The following PRKCA variants were observed in gnomAD, a reference collection of about 807,000 sequenced individuals.
PRKCA encodes the protein protein kinase C alpha.
In PRKCA, 27 loss-of-function variants were observed where a neutral mutation model predicts 87.0. The observed-to-expected ratio is 0.31, with a 90% CI of 0.23 to 0.43. PRKCA has a LOEUF of 0.43. Ranked by LOEUF, PRKCA falls within the 20% of genes least tolerant of loss-of-function variation. PRKCA has a pLI of 1.00. For synonymous variants in PRKCA, 329 were observed against 311.1 expected, an observed-to-expected ratio of 1.06 and a Z score of -0.61; for missense variants, 518 against 852.3, an observed-to-expected ratio of 0.61 and a Z score of 4.88.
chr17:66,327,025 T>C (rs774962656), intron 2 of PRKCA, among the ~76,000 whole-genome samples: 7 of 152,074 alleles, frequency 4.6e-5, no homozygotes, highest in Non-Finnish European at 8.8e-5. Flanking sequence ...GCTATGATCA[T>C]ACCACTGCAC....
chr17:66,536,800 C>T (rs934745428), intron 3 of PRKCA, among the ~76,000 whole-genome samples: 1 of 152,210 alleles, frequency 6.6e-6, no homozygotes, highest in Non-Finnish European at 1.5e-5. Context: ...CTGTGGATTC[C>T]TGGGACAGAC....
At chr17:66,555,329 T>G (rs7223385) in intron 3 of PRKCA, among the ~76,000 whole-genome samples, 1,994 of 152,354 alleles carry the variant, frequency 0.013, 44 homozygotes, top group African/African-American at 0.046. Flanking sequence ...ACTTCTTGGC[T>G]ACAACACACA....
chr17:66,471,941 CCAAT>C (rs1253334375), intron 2 of PRKCA, among the ~76,000 whole-genome samples: 1 of 152,090 alleles, frequency 6.6e-6, no homozygotes, highest in Non-Finnish European at 1.5e-5. Flanking sequence ...CAAAATTTGA[CCAAT>C]CAGTTTGATC....
intron 2 of PRKCA, among the ~76,000 whole-genome samples, chr17:66,453,025 C>A (rs901114237): frequency 3.9e-5 from 6 of 152,230 alleles, no homozygotes; most frequent in African/African-American, 1.4e-4. Flanking sequence ...CAGTTGGTGG[C>A]ATTTAGGAGT....
chr17:66,331,440 A>G (rs1459284653), intron 2 of PRKCA, among the ~76,000 whole-genome samples: 4 of 152,162 alleles, frequency 2.6e-5, no homozygotes, highest in East Asian at 1.9e-4. Flanking sequence ...GCAAAGTTCT[A>G]TGCTGTAGCA....
intron 8 of PRKCA, among the ~76,000 whole-genome samples, chr17:66,721,993 A>G (rs918990119): frequency 3.9e-5 from 6 of 152,144 alleles, no homozygotes; most frequent in Admixed American, 6.5e-5. Flanking sequence ...TGATGATGAG[A>G]TGGACCCACC....
intron 13 of PRKCA, among the ~76,000 whole-genome samples, chr17:66,748,064 T>G (rs1974339450): frequency 6.6e-6 from 1 of 152,216 alleles, no homozygotes; most frequent in African/African-American, 2.4e-5. Context: ...CAGTAACAGA[T>G]GGTGCATCCA....
At chr17:66,707,541 G>C (rs1301997801) in intron 8 of PRKCA, among the ~76,000 whole-genome samples, 25 of 152,184 alleles carry the variant, frequency 1.6e-4, no homozygotes, top group Non-Finnish European at 4.4e-5. Flanking sequence ...TCACGTGTGT[G>C]ACAAATCTGG....
At chr17:66,336,644 AATT>A (rs1362106900) in intron 2 of PRKCA, among the ~76,000 whole-genome samples, 1 of 131,836 alleles carries the variant, frequency 7.6e-6, no homozygotes, top group Non-Finnish European at 1.5e-5. Context: ...TTATATAGTA[AATT>A]ATTAAACATT....
chr17:66,502,305 G>A (rs1357151106), intron 3 of PRKCA, among the ~76,000 whole-genome samples: 1 of 151,776 alleles, frequency 6.6e-6, no homozygotes, highest in African/African-American at 2.4e-5. Context: ...CGCGATCTTG[G>A]CTCACTGCAG....
rs772541987 is a variant in PRKCA at position 66,738,714 on chromosome 17, C to T, written c.1231-50C>T. The T allele has an allele frequency of 2.7e-6, 4 of 1,465,418 alleles. No individual in the cohort carries two copies. The East Asian group carries it at 6.8e-5, about 25-fold the overall frequency. The allele number at this position is 1,465,418 out of a possible 1,614,324, so 90.8% of individuals were successfully genotyped here. A position where few individuals can be genotyped will look rare whatever the true frequency, so the allele number is the denominator to read the frequency against. ...CACAACCTGTGAAGAGCAAAGGAAG[C>T]CACTTGGCTGGGGAGGAGCCCTGCT... On this transcript the variant is annotated intron_variant, in intron 10 of 16. Transcript: ENST00000413366.
At chr17:66,495,430 C>G (rs1261694511) in intron 2 of PRKCA, among the ~76,000 whole-genome samples, 1 of 152,106 alleles carries the variant, frequency 6.6e-6, no homozygotes, top group African/African-American at 2.4e-5. Flanking sequence ...TATTTATAAT[C>G]AGTTATTCTC....
intron 2 of PRKCA, among the ~76,000 whole-genome samples, chr17:66,313,329 T>C (rs1905163632): frequency 6.6e-6 from 1 of 152,184 alleles, no homozygotes. Context: ...ACTAAGATCT[T>C]AGGATCATTA....
chr17:66,803,833 T>C lies in PRKCA; in HGVS notation c.1855-40T>C. ...TCGGAGAGCTGCTCCCGCATTGTCA[T>C]GTTGACTGACCTTTCCTTCTTTTTG... On this transcript the variant is annotated intron_variant, in intron 16 of 16. Transcript: ENST00000413366. The surrounding 1 kb of genome is among the most constrained non-coding windows in gnomAD (Gnocchi z 4.4). The C allele has an allele frequency of 1.2e-6, 2 of 1,605,406 alleles. No homozygotes were observed. The highest frequency in any genetic ancestry group is 1.7e-6 in the Non-Finnish European group (2 of 1,174,208).
chr17:66,728,444 G>A (rs987408548), intron 8 of PRKCA, among the ~76,000 whole-genome samples: 4 of 152,196 alleles, frequency 2.6e-5, no homozygotes, highest in Non-Finnish European at 4.4e-5. Context: ...AGCGTGTGGC[G>A]TCCTCTGCCC....
chr17:66,305,010 A>G (rs1252708532), intron 1 of PRKCA, among the ~76,000 whole-genome samples: 1 of 152,154 alleles, frequency 6.6e-6, no homozygotes, highest in Admixed American at 6.5e-5. Flanking sequence ...GTTGCCCTTG[A>G]AGGATCAGCC....
At chr17:66,719,422 G>A (rs867683028) in intron 8 of PRKCA, among the ~76,000 whole-genome samples, 18 of 152,164 alleles carry the variant, frequency 1.2e-4, no homozygotes, top group African/African-American at 4.1e-4. Flanking sequence ...GATTACCTCT[G>A]GGTAATAAAA....
At chr17:66,770,680 T>C (rs964501665) in intron 13 of PRKCA, among the ~76,000 whole-genome samples, 1 of 152,158 alleles carries the variant, frequency 6.6e-6, no homozygotes, top group East Asian at 1.9e-4. Context: ...AGCCCTATGG[T>C]AGTGTCTGCC....
chr17:66,352,109 A>G (rs567698436), intron 2 of PRKCA, among the ~76,000 whole-genome samples: 21 of 152,126 alleles, frequency 1.4e-4, no homozygotes, highest in Non-Finnish European at 1.3e-4. Flanking sequence ...AACTCTGCTC[A>G]TGGGAATGGG....
Sources: gnomAD v4.1 joint callset for allele counts (sites outside exome capture counted in the v4.1 genomes callset) on GRCh38, gnomAD v4.1.1 for gene constraint, Gnocchi (gnomAD v3.1) non-coding constraint, MANE v1.5 for transcripts, NCBI Gene and HGNC (gene_info 2026-07-23, HGNC 2026-07-21) for gene names.